ASMT: variants seen among roughly 807,000 people sequenced by gnomAD.
ASMT encodes acetylserotonin O-methyltransferase.
ASMT carries 53 observed loss-of-function variants against 41.3 expected under a neutral mutation model. The ratio of observed to expected loss-of-function variants is 1.28; its 90% confidence interval spans 1.03 to 1.61. The LOEUF is 1.61. ASMT is among the 40% of genes most tolerant of loss of function. The pLI is 0.00. For synonymous variants in ASMT, 231 were observed against 184.8 expected (o/e 1.25, Z -2.03); for missense variants, 531 against 441.3 (o/e 1.20, Z -1.82).
intron 8 of ASMT, among the ~76,000 whole-genome samples, chrX:1,636,866 C>G (rs1243435471): frequency 2.6e-5 from 4 of 152,124 alleles, no homozygotes; most frequent in Admixed American, 6.5e-5. Context: ...CCACTGACTT[C>G]TGAGGTCCAC....
Position 1,641,393 on chromosome X carries a change from G to A in ASMT, c.911-1410G>A, listed in dbSNP as rs148328845. Among the ~76,000 whole-genome samples the A allele has an allele frequency of 4.4e-3, 633 of 142,780 alleles. 60 individuals are homozygous for A. The highest frequency in any genetic ancestry group is 0.013 in the Admixed American group (167 of 13,294). 93.7% of individuals were successfully genotyped at this position (142,780 alleles called of 152,430 possible). ...GGACCATGTCCCAGTGTCCTGTGAG[G>A]TCCACCTATCCTGATGGTCCATGAG... On this transcript the variant is annotated intron_variant, in intron 8 of 8. Coordinates refer to ENST00000381241, the MANE Select transcript of ASMT (RefSeq NM_001171038.2).
chrX:1,635,741 A>G (rs1366203957), intron 7 of ASMT, among the ~76,000 whole-genome samples: 18 of 151,578 alleles, frequency 1.2e-4, no homozygotes, highest in Admixed American at 1.2e-3. Context: ...GGGTGCCTGT[A>G]ATCCCAGCTA....
Position 1,623,301 on chromosome X carries a change from AG to A in ASMT, c.236del (p.Gly79GlufsTer16). 6.2e-7 allele frequency: 1 copy of A among 1,613,910 alleles called. No individual in the cohort carries two copies. Among genetic ancestry groups the A allele is most frequent in the Non-Finnish European group, 8.5e-7 (1 of 1,179,854 alleles). ...VSLKLLKVET[R>X]GGKAFYRNTE... The stretch of plus-strand genomic sequence containing the variant: ...CCTGAAGCTGCTGAAAGTGGAGACG[AG>A]GGGAGGAAAAGGTGAGGACACGGGC... On this transcript the variant is annotated frameshift_variant, in exon 2 of 9. Transcript: ENST00000381241. LOFTEE classifies it high-confidence loss of function.
At chrX:1,634,766 G>C (rs1934897093) in intron 7 of ASMT, among the ~76,000 whole-genome samples, 1 of 149,402 alleles carries the variant, frequency 6.7e-6, no homozygotes, top group African/African-American at 2.5e-5. Context: ...CCAGGTTCAA[G>C]CAATTTTTTG....
chrX:1,616,960 G>C (rs1431843902), intron 1 of ASMT, among the ~76,000 whole-genome samples: 1 of 151,848 alleles, frequency 6.6e-6, no homozygotes. Flanking sequence ...CGCCCGCCTC[G>C]GCCTCCCAAA....
chrX:1,641,618 ACAGTGTCC>A lies in ASMT; in HGVS notation c.911-1176_911-1169del, dbSNP rs1403924797. On this transcript the variant is annotated intron_variant, in intron 8 of 8. Coordinates refer to ENST00000381241, the MANE Select transcript of ASMT (RefSeq NM_001171038.2). The stretch of plus-strand genomic sequence containing the variant: ...CACAGCCTCTGTGTGTGTGATGGGG[ACAGTGTCC>A]CAGTGTCCTGTGAGGTCCACCCATC... Among the ~76,000 whole-genome samples, 5 of 148,622 alleles carry A rather than the reference ACAGTGTCC, an allele frequency of 3.4e-5. No individual in the cohort carries two copies. The Admixed American group carries it at 3.5e-4, about 10-fold the overall frequency.
At chrX:1,631,863 C>G (rs7341937) in intron 5 of ASMT, among the ~76,000 whole-genome samples, 1 of 152,160 alleles carries the variant, frequency 6.6e-6, no homozygotes, top group African/African-American at 2.4e-5. Context: ...GCCTGACCAA[C>G]GGGGTGAAAC....
In ASMT at chrX:1,620,597, A is replaced by G. The variant is rs749917272; in HGVS notation, c.70-2542A>G. ...TGATAACAGTTTAATAAAAAAGCTA[A>G]TACCACTTGAATAGAATATATCTTA... On this transcript the variant is annotated intron_variant, in intron 1 of 8. Transcript: ENST00000381241. Among the ~76,000 whole-genome samples, 6 of 152,322 alleles carry G rather than the reference A, an allele frequency of 3.9e-5. No individual in the cohort carries two copies. The South Asian group carries it at 1.2e-3, about 32-fold the overall frequency.
intron 7 of ASMT, among the ~76,000 whole-genome samples, chrX:1,634,727 T>C (rs1268425270): frequency 1.4e-5 from 2 of 141,960 alleles, no homozygotes; most frequent in African/African-American, 5.2e-5. Flanking sequence ...TGCAGTGGCG[T>C]GATCCAAGCT....
In ASMT at chrX:1,623,290, A is replaced by G; in HGVS notation, c.221A>G (p.Lys74Arg). ...LDICVSLKLL[K>R]VETRGGKAFY... ...ATCTGTGTGTCCCTGAAGCTGCTGA[A>G]AGTGGAGACGAGGGGAGGAAAAGGT... Residue 74 changes from lysine (K) to arginine (R), a missense_variant, in exon 2 of 9, where the codon AAA becomes AGA. By Grantham distance (26) the Lys-to-Arg change is conservative (BLOSUM62 2). Transcript: ENST00000381241. 1.2e-6 allele frequency: 2 copies of G among 1,613,938 alleles called. No individual in the cohort carries two copies. The highest frequency in any genetic ancestry group is 1.7e-6 in the Non-Finnish European group (2 of 1,179,850).
chrX:1,623,940 C>T (rs1405558121), intron 2 of ASMT, among the ~76,000 whole-genome samples: 3 of 152,098 alleles, frequency 2.0e-5, no homozygotes, highest in Admixed American at 6.6e-5. Context: ...TGAGCCACCA[C>T]GCCCGGCCTC....
At chrX:1,630,856 G>T (rs1277924538) in intron 5 of ASMT, among the ~76,000 whole-genome samples, 2 of 138,854 alleles carry the variant, frequency 1.4e-5, no homozygotes, top group Non-Finnish European at 3.1e-5. Flanking sequence ...CCACACCCAG[G>T]CTGAGCTGAG....
chrX:1,628,948 T>G (rs1358734189), intron 4 of ASMT, among the ~76,000 whole-genome samples: 9 of 144,254 alleles, frequency 6.2e-5, no homozygotes, highest in African/African-American at 2.3e-4. Flanking sequence ...CTCTCTTTCT[T>G]TCTTTCCTTC....
At chrX:1,635,141 ATT>A (rs762432316) in intron 7 of ASMT, among the ~76,000 whole-genome samples, 92 of 134,332 alleles carry the variant, frequency 6.8e-4, no homozygotes, top group Admixed American at 1.1e-3. Flanking sequence ...CGCCCAGCTA[ATT>A]TTTTTTTTTT....
chrX:1,633,344 GA>G, intron 7 of ASMT, 54 bp downstream of exon 7: 2 of 1,610,260 alleles, frequency 1.2e-6, no homozygotes, highest in Non-Finnish European at 1.7e-6. Context: ...TCTCCAGGGG[GA>G]CTGGATGTTT....
rs113937578 is a variant in ASMT, at chrX:1,624,599, C to G, written c.374+201C>G. On this transcript the variant is annotated intron_variant, in intron 3 of 8. Transcript: ENST00000381241. ...GATGCTGGGAGGTGGGGGCTGCCCC[C>G]AGGCAGATGCTGGGAGGTGGTGGCT... is the stretch of plus-strand genomic sequence containing the variant. The G allele has an allele frequency of 1.4e-5, 12 of 881,512 alleles. No homozygotes were observed. The African/African-American group carries it at 3.0e-4, about 22-fold the overall frequency. The allele number at this position is 881,512 out of a possible 1,614,324, so 54.6% of individuals were successfully genotyped here. A position where few individuals can be genotyped will look rare whatever the true frequency, so the allele number is the denominator to read the frequency against.
Position 1,629,883 on chromosome X carries a change from G to A in ASMT, c.506G>A (p.Arg169Lys). The A allele has an allele frequency of 1.2e-6, 2 of 1,614,012 alleles. No individual in the cohort carries two copies. Among genetic ancestry groups the A allele is most frequent in the African/African-American group, 1.3e-5 (1 of 75,062 alleles). The change falls in exon 5 of 9, where the codon AGA (arginine) becomes AAA (lysine). Residue 169 changes from arginine (R) to lysine (K), a missense_variant. Transcript: ENST00000381241. ...CAGGAGGTCTGGAGCGTCAACGGGA[G>A]AAGCGTGCTGACCGCCTTTGACCTG... is the stretch of plus-strand genomic sequence containing the variant. ...ALQEVWSVNG[R>K]SVLTAFDLSV... is the part of the protein sequence containing the mutation.
intron 3 of ASMT, 60 bp from the exon 4 acceptor site, chrX:1,627,643 T>TGAAAC (rs1223480538): frequency 2.1e-4 from 97 of 472,010 alleles, no homozygotes; most frequent in African/African-American, 6.0e-4. Context: ...CGAAATGAAA[T>TGAAAC]GAAATGAAAT....
At chrX:1,623,620 T>C (rs1382803205) in intron 2 of ASMT, among the ~76,000 whole-genome samples, 1 of 152,002 alleles carries the variant, frequency 6.6e-6, no homozygotes, top group Non-Finnish European at 1.5e-5. Flanking sequence ...TTGGGGGTCG[T>C]GTGGTTTTTG....
Sources: gnomAD v4.1 joint callset for allele counts (sites outside exome capture counted in the v4.1 genomes callset) on GRCh38, gnomAD v4.1.1 for gene constraint, MANE v1.5 for transcripts, NCBI Gene and HGNC (gene_info 2026-07-23, HGNC 2026-07-21) for gene names.